Variants in ARHGEF18 observed in about 807,000 individuals in gnomAD.
ARHGEF18 encodes Rho/Rac guanine nucleotide exchange factor 18.
ARHGEF18 carries 93 observed loss-of-function variants against 155.7 expected under a neutral mutation model. The observed-to-expected ratio is 0.60, with a 90% confidence interval of 0.50 to 0.71. The LOEUF (loss-of-function observed/expected upper bound fraction) is 0.71. Among genes scored for constraint, ARHGEF18 ranks in the 30% least tolerant of loss-of-function variants. The probability of loss-of-function intolerance (pLI) is 0.00; values close to 1 mark genes in which losing one functional copy is unlikely to be tolerated. For missense variants in ARHGEF18, 1,593 were observed against 1,816.1 expected (o/e 0.88, Z 2.23); for synonymous variants, 742 against 753.1 (o/e 0.99, Z 0.24).
chr19:7,477,564 G>A, the ARHGEF18 span: 1 of 752,646 alleles, frequency 1.3e-6, no homozygotes. Context: ...TGGCAGGACT[G>A]AGGTGGCCTC....
downstream of ARHGEF18, chr19:7,477,306 G>C: frequency 6.4e-7 from 1 of 1,566,126 alleles, no homozygotes; most frequent in South Asian, 1.2e-5. Context: ...GGCGGGAAGC[G>C]GCCGGCCCAC....
chr19:7,472,880 T>G (rs1367015921), downstream of ARHGEF18: 1 of 427,316 alleles, frequency 2.3e-6, no homozygotes, highest in Admixed American at 2.5e-5. Context: ...TTGTATTTTT[T>G]TAGTAGACAT....
At chr19:7,411,464 G>T (rs1972683067) in intron 10 of ARHGEF18, among the ~76,000 whole-genome samples, 1 of 151,920 alleles carries the variant, frequency 6.6e-6, no homozygotes, top group South Asian at 2.1e-4. Flanking sequence ...ACACCACCAT[G>T]TCCAGCTAAG....
rs1043118035 is a variant in ARHGEF18, at chr19:7,470,186, T to C, written c.3974T>C (p.Leu1325Pro). The part of the protein sequence containing the change: ...PADSPSEGFS[L>P]KAGGTALLPG... Reference sequence around the variant, plus strand: ...GACAGCCCCTCCGAGGGCTTCTCTCTCAAGGCCGGGGGCACAGCCCTCCTG... The same window carrying C: ...GACAGCCCCTCCGAGGGCTTCTCTCCCAAGGCCGGGGGCACAGCCCTCCTG... Residue 1325 changes from leucine to proline, a missense_variant, in exon 29 of 29, where the codon CTC becomes CCC. Transcript: ENST00000668164. This position sits in a 1 kb window ranked among gnomAD's most constrained non-coding sequence, Gnocchi z 5.9. 3 of 1,611,734 alleles carry C rather than the reference T, an allele frequency of 1.9e-6. No homozygotes were observed. Among genetic ancestry groups the C allele is most frequent in the Admixed American group, 1.7e-5 (1 of 59,920 alleles).
intron 2 of ARHGEF18, among the ~76,000 whole-genome samples, chr19:7,370,323 A>G (rs28895917): frequency 0.2 from 29,958 of 151,886 alleles, 6,743 homozygotes; most frequent in African/African-American, 0.54. Context: ...GGGAAACTCC[A>G]TCTCTACTAA....
intron 10 of ARHGEF18, among the ~76,000 whole-genome samples, chr19:7,433,337 C>T (rs1198733111): frequency 6.6e-6 from 1 of 151,490 alleles, no homozygotes; most frequent in Admixed American, 6.6e-5. Context: ...TGTGGTTGGA[C>T]ACACCTGTAG....
At chr19:7,421,081 ACACCACACT>A (rs576886642) in intron 10 of ARHGEF18, among the ~76,000 whole-genome samples, 81 of 152,074 alleles carry the variant, frequency 5.3e-4, no homozygotes, top group African/African-American at 1.4e-3. Context: ...CAGGCGTGTG[ACACCACACT>A]CAGCTAATTT....
intron 2 of ARHGEF18, among the ~76,000 whole-genome samples, chr19:7,365,387 A>G (rs116852010): frequency 0.026 from 3,887 of 152,266 alleles, 60 homozygotes; most frequent in Non-Finnish European, 0.039. Flanking sequence ...AGATCACACC[A>G]TTGCACTCCA....
intron 15 of ARHGEF18, among the ~76,000 whole-genome samples, chr19:7,447,908 C>A (rs1297573078): frequency 6.6e-6 from 1 of 152,112 alleles, no homozygotes; most frequent in East Asian, 1.9e-4. Flanking sequence ...GAGGGAAAAT[C>A]AGTTGAGCTC....
chr19:7,453,869 C>G (rs754622412), intron 17 of ARHGEF18, among the ~76,000 whole-genome samples, 154 bp downstream of exon 17: 116 of 151,778 alleles, frequency 7.6e-4, no homozygotes, highest in Non-Finnish European at 1.4e-3. Context: ...TTGGTGGGTA[C>G]TCTCTTGATT....
chr19:7,371,616 T>A (rs1436678936), intron 2 of ARHGEF18, among the ~76,000 whole-genome samples: 1 of 152,002 alleles, frequency 6.6e-6, no homozygotes, highest in Middle Eastern at 3.4e-3. Context: ...TGGTCAGGAG[T>A]TCGAGACCAA....
At chr19:7,450,639 A>T in intron 15 of ARHGEF18, among the ~76,000 whole-genome samples, 1 of 138,278 alleles carries the variant, frequency 7.2e-6, no homozygotes, top group Admixed American at 7.3e-5. Context: ...CATTTCCAAG[A>T]TGTTAATACG....
chr19:7,438,436 A>T (rs375770884), intron 10 of ARHGEF18, among the ~76,000 whole-genome samples: 4 of 141,838 alleles, frequency 2.8e-5, no homozygotes, highest in African/African-American at 1.1e-4. Context: ...TTTGAGACAG[A>T]GTTTCACTCT....
Position 7,417,102 on chromosome 19 carries a change from G to T in ARHGEF18, c.968-23242G>T, listed in dbSNP as rs890287329. On this transcript the variant is annotated intron_variant, in intron 10 of 28. Transcript: ENST00000668164. ...TTTTTGTATTTGTGGTAGAGACAGGGTTTCACTATGTTGGTCAGGCTGGTC... is the reference window on the plus strand; with the variant it reads ...TTTTTGTATTTGTGGTAGAGACAGGTTTTCACTATGTTGGTCAGGCTGGTC... Among the ~76,000 whole-genome samples, 3 of 152,108 alleles carry T rather than the reference G, an allele frequency of 2.0e-5. 1 individual carries two copies. Among genetic ancestry groups the T allele is most frequent in the South Asian group, 4.1e-4 (2 of 4,820 alleles).
chr19:7,399,773 CTTTT>C (rs776187441), intron 10 of ARHGEF18, among the ~76,000 whole-genome samples: 3 of 136,130 alleles, frequency 2.2e-5, no homozygotes, highest in Non-Finnish European at 3.2e-5. Flanking sequence ...GCCACCACGC[CTTTT>C]TTTTTTTTTT....
intron 2 of ARHGEF18, among the ~76,000 whole-genome samples, chr19:7,364,296 C>T (rs141141932): frequency 3.7e-4 from 48 of 129,914 alleles, no homozygotes; most frequent in Non-Finnish European, 5.0e-4. Context: ...GAAGGATGGA[C>T]GGATAATGGA....
chr19:7,361,763 C>T (rs1297985761), intron 1 of ARHGEF18, among the ~76,000 whole-genome samples: 2 of 152,030 alleles, frequency 1.3e-5, no homozygotes, highest in Non-Finnish European at 2.9e-5. Flanking sequence ...GAGGCTGAGG[C>T]ATGCAGATCA....
intron 1 of ARHGEF18, among the ~76,000 whole-genome samples, chr19:7,355,280 CG>C (rs1969259157): frequency 6.6e-6 from 1 of 152,092 alleles, no homozygotes; most frequent in South Asian, 2.1e-4. Context: ...GACGATGGCA[CG>C]CACACACACA....
At chr19:7,363,400 G>A (rs1436517223) in intron 2 of ARHGEF18, among the ~76,000 whole-genome samples, 1 of 151,972 alleles carries the variant, frequency 6.6e-6, no homozygotes, top group Non-Finnish European at 1.5e-5. Context: ...TGGAAGGAAG[G>A]AGGATGGATG....
Sources: allele counts gnomAD v4.1 joint callset (sites outside exome capture counted in the v4.1 genomes callset), GRCh38; gene constraint gnomAD v4.1.1; non-coding constraint Gnocchi (gnomAD v3.1); transcripts MANE v1.5; gene names NCBI Gene and HGNC (gene_info 2026-07-23, HGNC 2026-07-21).